SAR1A: variants seen among roughly 807,000 people sequenced by gnomAD.
The protein encoded by SAR1A is small COPII coat GTPase SAR1A.
SAR1A carries 6 observed loss-of-function variants against 22.6 expected under a neutral mutation model. The observed-to-expected ratio is 0.27, with a 90% confidence interval of 0.15 to 0.52. The LOEUF (loss-of-function observed/expected upper bound fraction) is 0.52. SAR1A is among the 20% of genes least tolerant of loss of function. The pLI is 0.96. For synonymous variants in SAR1A, 70 were observed against 82.2 expected (o/e 0.85, Z 0.80); for missense variants, 145 against 245.1 (o/e 0.59, Z 2.73).
intron 1 of SAR1A, among the ~76,000 whole-genome samples, chr10:70,170,078 G>A (rs938205628): frequency 3.9e-5 from 6 of 152,056 alleles, no homozygotes; most frequent in Non-Finnish European, 8.8e-5. Flanking sequence ...CCTCACCGAG[G>A]GCTGTGAGGC....
At chr10:70,168,794 G>C (rs1258701262) in intron 1 of SAR1A, among the ~76,000 whole-genome samples, 1 of 151,888 alleles carries the variant, frequency 6.6e-6, no homozygotes, top group Non-Finnish European at 1.5e-5. Context: ...CAAAGAGTCG[G>C]GTTGCACTGC....
Position 70,165,282 on chromosome 10 carries a change from A to T in SAR1A, c.-16-3351T>A, listed in dbSNP as rs577267081. On this transcript the variant is annotated intron_variant, in intron 1 of 6. Transcript: ENST00000373241. ...TCCGTCTCAAAAAAAAAAAAAAAAA[A>T]AAAGAAATATATTTCACAAAGCCAT... 8.5e-3 allele frequency among the ~76,000 whole-genome samples: 1,295 copies of T among 151,906 alleles called. 20 individuals carry two copies. Among genetic ancestry groups the T allele is most frequent in the African/African-American group, 0.03 (1,246 of 41,410 alleles).
At chr10:70,167,049 T>G (rs1839563988) in intron 1 of SAR1A, among the ~76,000 whole-genome samples, 1 of 152,012 alleles carries the variant, frequency 6.6e-6, no homozygotes, top group African/African-American at 2.4e-5. Context: ...TAGCAGTAAG[T>G]TCCCAAGCCA....
intron 1 of SAR1A, among the ~76,000 whole-genome samples, chr10:70,162,397 AGGAAAG>A (rs1180610508): frequency 0.013 from 1,656 of 124,578 alleles, 51 homozygotes; most frequent in African/African-American, 0.044. Flanking sequence ...GAAAGGGAAA[AGGAAAG>A]GGAAAGGGAA....
intron 1 of SAR1A, among the ~76,000 whole-genome samples, chr10:70,166,177 G>C (rs1259624129): frequency 6.6e-6 from 1 of 152,200 alleles, no homozygotes; most frequent in Non-Finnish European, 1.5e-5. Context: ...AAATATTCGT[G>C]TTACTTGCTT....
At chr10:70,165,119 G>A (rs1839530224) in intron 1 of SAR1A, among the ~76,000 whole-genome samples, 1 of 151,826 alleles carries the variant, frequency 6.6e-6, no homozygotes, top group Non-Finnish European at 1.5e-5. Context: ...CAAAAAATTA[G>A]CCGGGCGTAG....
chr10:70,169,590 C>G (rs1334753396), intron 1 of SAR1A, among the ~76,000 whole-genome samples: 1 of 152,168 alleles, frequency 6.6e-6, no homozygotes, highest in Non-Finnish European at 1.5e-5. Flanking sequence ...TAAAAATTTA[C>G]GCATTACTTG....
Position 70,151,015 on chromosome 10 carries a change from T to C in SAR1A, c.*1461A>G, listed in dbSNP as rs893924451. 1 of 152,170 alleles carries C rather than the reference T, an allele frequency of 6.6e-6. No individual in the cohort carries two copies. Among genetic ancestry groups the C allele is most frequent in the East Asian group, 1.9e-4 (1 of 5,194 alleles). The allele number at this position is 152,170 out of a possible 1,614,324, so 9.4% of individuals were successfully genotyped here. ...AATCTGTTCATAGGAGATATATCTTTTGATCTTTTATTATAAGGGTAGAAT... is the reference window on the plus strand; with the variant it reads ...AATCTGTTCATAGGAGATATATCTTCTGATCTTTTATTATAAGGGTAGAAT... On this transcript the variant is annotated 3_prime_UTR_variant, in exon 7 of 7. Transcript: ENST00000373241.
At chr10:70,163,614 G>C in intron 1 of SAR1A, 1 of 689,122 alleles carries the variant, frequency 1.5e-6, no homozygotes, top group South Asian at 1.6e-5. Context: ...CACTAAATCA[G>C]TCCAAGTGGA....
rs1839326691 is a variant in SAR1A, at chr10:70,151,469, C to T, written c.*1007G>A. On this transcript the variant is annotated 3_prime_UTR_variant, in exon 7 of 7. Coordinates refer to ENST00000373241, the MANE Select transcript of SAR1A (RefSeq NM_020150.5). ...ACAAATGCTACAATACTTTTAAGTC[C>T]TCAACTCACAGAATTAAGAGCCCTT... 6.6e-6 allele frequency: 1 copy of T among 152,142 alleles called. No homozygotes were observed. Among genetic ancestry groups the T allele is most frequent in the African/African-American group, 2.4e-5 (1 of 41,420 alleles). 9.4% of individuals were successfully genotyped at this position (152,142 alleles called of 1,614,324 possible).
intron 5 of SAR1A, among the ~76,000 whole-genome samples, chr10:70,157,401 CAAAAAAAAA>C (rs55801259): frequency 3.0e-5 from 4 of 131,260 alleles, no homozygotes; most frequent in African/African-American, 9.0e-5. Context: ...AAGACTCCGT[CAAAAAAAAA>C]AAAAAAAAAA....
chr10:70,161,894 T>G lies in SAR1A; in HGVS notation c.22A>C (p.Ile8Leu). Reference sequence around the variant, plus strand: ...AGCACACTGCTGAAGCCATTGTAGATCCACTCAAAGATGAAAGACATTATT... The same window carrying G: ...AGCACACTGCTGAAGCCATTGTAGAGCCACTCAAAGATGAAAGACATTATT... The part of the protein sequence containing the change: MSFIFEW[I>L]YNGFSSVLQF... Residue 8 changes from isoleucine (I) to leucine (L), a missense_variant, in exon 2 of 7, where the codon ATC becomes CTC. Transcript: ENST00000373241. The G allele has an allele frequency of 6.2e-7, 1 of 1,612,754 alleles. No homozygotes were observed. The highest frequency in any genetic ancestry group is 1.1e-5 in the South Asian group (1 of 91,010).
chr10:70,161,544 C>T (rs1344192871), intron 3 of SAR1A, 75 bp downstream of exon 3: 31 of 1,549,760 alleles, frequency 2.0e-5, no homozygotes, highest in Non-Finnish European at 2.5e-5. Context: ...AGAACTCCAC[C>T]AACTAGGGAT....
In SAR1A at chr10:70,150,242, T is replaced by C. The variant is rs942253529; in HGVS notation, c.*2234A>G. The C allele has an allele frequency of 1.3e-5, 2 of 152,182 alleles. No individual in the cohort carries two copies. Among genetic ancestry groups the C allele is most frequent in the African/African-American group, 2.4e-5 (1 of 41,432 alleles). 9.4% of individuals were successfully genotyped at this position (152,182 alleles called of 1,614,324 possible). A position where few individuals can be genotyped will look rare whatever the true frequency, so the allele number is the denominator to read the frequency against. On this transcript the variant is annotated 3_prime_UTR_variant, in exon 7 of 7. Coordinates refer to ENST00000373241, the MANE Select transcript of SAR1A (RefSeq NM_020150.5). ...TTTATTAAAATGCTTAGGATACAGA[T>C]TGACTTTCTTTCGTAAATGACTGTT... is the stretch of plus-strand genomic sequence containing the variant.
chr10:70,167,838 C>G (rs2136724589), intron 1 of SAR1A, among the ~76,000 whole-genome samples: 1 of 152,258 alleles, frequency 6.6e-6, no homozygotes, highest in Non-Finnish European at 1.5e-5. Context: ...TTTTCAATAA[C>G]AAATATATTT....
chr10:70,157,893 T>C, intron 4 of SAR1A, 26 bp from the exon 5 acceptor site: 1 of 1,477,576 alleles, frequency 6.8e-7, no homozygotes, highest in Non-Finnish European at 9.4e-7. Flanking sequence ...TGTAGTTGCA[T>C]GAGTAAAAAA....
Position 70,152,672 on chromosome 10 carries a change from T to G in SAR1A, c.481-80A>C. The G allele has an allele frequency of 1.1e-5, 11 of 1,023,202 alleles. No homozygotes were observed. The South Asian group carries it at 1.4e-4, about 13-fold the overall frequency. The allele number at this position is 1,023,202 out of a possible 1,614,324, so 63.4% of individuals were successfully genotyped here. ...TGAAAGGACGATCATTACAATCATT[T>G]TATCCATTCCTTAAAAGCAAACCTA... On this transcript the variant is annotated intron_variant, in intron 6 of 6. Coordinates refer to ENST00000373241, the MANE Select transcript of SAR1A (RefSeq NM_020150.5).
intron 4 of SAR1A, among the ~76,000 whole-genome samples, chr10:70,158,339 A>G (rs1168890849): frequency 1.3e-5 from 2 of 152,350 alleles, no homozygotes; most frequent in Non-Finnish European, 2.9e-5. Context: ...ATGTAACTTT[A>G]GTCCCAGTTA....
At chr10:70,158,489 T>C (rs1486888803) in intron 4 of SAR1A, among the ~76,000 whole-genome samples, 1 of 152,168 alleles carries the variant, frequency 6.6e-6, no homozygotes, top group East Asian at 1.9e-4. Context: ...CTTATAAATA[T>C]TACTTGGTTT....
Sources: gnomAD v4.1 joint callset for allele counts (sites outside exome capture counted in the v4.1 genomes callset) on GRCh38, gnomAD v4.1.1 for gene constraint, MANE v1.5 for transcripts, NCBI Gene and HGNC (gene_info 2026-07-23, HGNC 2026-07-21) for gene names.